LYSMD3: variants seen among roughly 807,000 people sequenced by gnomAD.
The protein encoded by LYSMD3 is lysM and putative peptidoglycan-binding domain-containing protein 3.
LYSMD3 carries 13 observed loss-of-function variants against 26.1 expected under a neutral mutation model. That is an observed-to-expected ratio of 0.50 (90% CI 0.32 to 0.79). The LOEUF is 0.79. Among genes scored for constraint, LYSMD3 ranks in the 30% least tolerant of loss-of-function variants. LYSMD3 has a pLI of 0.03. For missense variants in LYSMD3, 331 were observed against 362.5 expected (o/e 0.91, Z 0.71); for synonymous variants, 109 against 119.4 (o/e 0.91, Z 0.57).
intron 1 of LYSMD3, among the ~76,000 whole-genome samples, chr5:90,527,169 C>G (rs1180833358): frequency 6.6e-6 from 1 of 152,068 alleles, no homozygotes; most frequent in African/African-American, 2.4e-5. Flanking sequence ...AAGACCAACT[C>G]CAAAACTCTG....
At chr5:90,526,387 G>T (rs1221582114) in intron 1 of LYSMD3, among the ~76,000 whole-genome samples, 2 of 152,154 alleles carry the variant, frequency 1.3e-5, no homozygotes, top group Non-Finnish European at 2.9e-5. Flanking sequence ...ACTGGGAGCT[G>T]ACCTAAGTTA....
At position 90,517,178 on chromosome 5, in the gene LYSMD3, T is replaced by C. The variant is rs1168500748; in HGVS notation, c.*1641A>G. The C allele has an allele frequency of 2.0e-5, 3 of 152,472 alleles. No individual in the cohort carries two copies. Among genetic ancestry groups the C allele is most frequent in the Non-Finnish European group, 2.9e-5 (2 of 67,902 alleles). The allele number at this position is 152,472 out of a possible 1,614,324, so 9.4% of individuals were successfully genotyped here. A position where few individuals can be genotyped will look rare whatever the true frequency, so the allele number is the denominator to read the frequency against. ...TTCCCTATTAAACACTTTTTGGTAA[T>C]TGTCTAAGGTCCTCTAATATTTGCA... On this transcript the variant is annotated 3_prime_UTR_variant, in exon 3 of 3. Transcript: ENST00000315948.
At chr5:90,529,217 G>A (rs1753299526) in intron 1 of LYSMD3, 4 of 354,796 alleles carry the variant, frequency 1.1e-5, no homozygotes, top group Non-Finnish European at 2.2e-5. Flanking sequence ...CCAGCAGGTA[G>A]GCGTCCTTCC....
chr5:90,518,989 G>T lies in LYSMD3; in HGVS notation c.751C>A (p.His251Asn), dbSNP rs1196692072. The part of the protein sequence containing the change: ...EILAKVDVSH[H>N]STVDSSHLHS... ...AAATGTGAAGAGTCCACTGTTGAATGATGACTAACATCCACCTTAGCTAAA... is the reference window on the plus strand; with the variant it reads ...AAATGTGAAGAGTCCACTGTTGAATTATGACTAACATCCACCTTAGCTAAA... Residue 251 changes from histidine (H) to asparagine (N), a missense_variant, in exon 3 of 3, where the codon CAT becomes AAT. Transcript: ENST00000315948. 6 of 1,614,028 alleles carry T rather than the reference G, an allele frequency of 3.7e-6. No individual in the cohort carries two copies. Among genetic ancestry groups the T allele is most frequent in the Non-Finnish European group, 5.1e-6 (6 of 1,179,954 alleles).
At position 90,525,281 on chromosome 5, in the gene LYSMD3, C is replaced by T. The variant is rs1580234281; in HGVS notation, c.9G>A (p.Gly3=). 6.3e-7 allele frequency: 1 copy of T among 1,598,288 alleles called. No homozygotes were observed. The highest frequency in any genetic ancestry group is 8.5e-7 in the Non-Finnish European group (1 of 1,174,426). MA[G]RHQNRSFPLP... Reference sequence around the variant, plus strand: ...GAGGAAAACTACGATTCTGATGCCTCCCTGCCATAATGTTAAAATCTGGAG... The same window carrying T: ...GAGGAAAACTACGATTCTGATGCCTTCCTGCCATAATGTTAAAATCTGGAG... The change falls in exon 2 of 3, where the codon GGG becomes GGA. Residue 3 remains glycine, a synonymous_variant. Transcript: ENST00000315948.
At chr5:90,527,712 C>G (rs1753258384) in intron 1 of LYSMD3, among the ~76,000 whole-genome samples, 1 of 152,192 alleles carries the variant, frequency 6.6e-6, no homozygotes, top group Non-Finnish European at 1.5e-5. Context: ...TATATGCAAA[C>G]ATTCCAAAAT....
chr5:90,523,963 T>A (rs557244644), intron 2 of LYSMD3, among the ~76,000 whole-genome samples: 5 of 152,108 alleles, frequency 3.3e-5, no homozygotes, highest in African/African-American at 4.8e-5. Flanking sequence ...TGGGTCCAAA[T>A]AGAGTATAGT....
intron 2 of LYSMD3, among the ~76,000 whole-genome samples, chr5:90,519,755 C>A (rs955175892): frequency 6.6e-6 from 1 of 151,944 alleles, no homozygotes; most frequent in African/African-American, 2.4e-5. Context: ...TTCTAGAATC[C>A]TTTGCTGCTT....
At chr5:90,529,022 C>T (rs922838940) in intron 1 of LYSMD3, among the ~76,000 whole-genome samples, 2 of 152,070 alleles carry the variant, frequency 1.3e-5, no homozygotes, top group Non-Finnish European at 2.9e-5. Flanking sequence ...TACCTCCTCC[C>T]TCTGTATTCC....
intron 2 of LYSMD3, among the ~76,000 whole-genome samples, chr5:90,524,385 C>T (rs1753165379): frequency 1.3e-5 from 2 of 152,058 alleles, no homozygotes. Context: ...TCCTACATGC[C>T]AAAGTGTTAA....
At chr5:90,525,822 A>G (rs559631010) in intron 1 of LYSMD3, among the ~76,000 whole-genome samples, 3 of 152,238 alleles carry the variant, frequency 2.0e-5, no homozygotes, top group Non-Finnish European at 4.4e-5. Flanking sequence ...AGGGAAGAAG[A>G]GGTAATCTCC....
chr5:90,527,411 A>ATTT (rs71614754), intron 1 of LYSMD3, among the ~76,000 whole-genome samples: 54,660 of 140,488 alleles, frequency 0.39, 10,844 homozygotes, highest in Non-Finnish European at 0.43. Flanking sequence ...TATTAATGGT[A>ATTT]TTTTTTTTTT....
At chr5:90,526,656 T>C (rs1753230789) in intron 1 of LYSMD3, among the ~76,000 whole-genome samples, 1 of 152,132 alleles carries the variant, frequency 6.6e-6, no homozygotes, top group Non-Finnish European at 1.5e-5. Context: ...GGTTCAGACA[T>C]GAAGAGAGGG....
At chr5:90,520,425 A>G (rs1281499538) in intron 2 of LYSMD3, 2 of 456,296 alleles carry the variant, frequency 4.4e-6, no homozygotes, top group Non-Finnish European at 8.8e-6. Context: ...GGTTTGGTCA[A>G]CTTGATGGAC....
chr5:90,529,376 G>A (rs1216644065), intron 1 of LYSMD3, 72 bp downstream of exon 1: 4 of 456,146 alleles, frequency 8.8e-6, no homozygotes, highest in African/African-American at 2.0e-5. Flanking sequence ...AGCGCCTCCC[G>A]TGAGGACGCA....
chr5:90,523,121 C>G (rs746071640), intron 2 of LYSMD3, among the ~76,000 whole-genome samples: 4 of 149,458 alleles, frequency 2.7e-5, no homozygotes, highest in Non-Finnish European at 4.4e-5. Context: ...GGTCTTATTT[C>G]TCTACAAAAC....
Position 90,529,483 on chromosome 5 carries a change from T to C in LYSMD3, c.-47A>G, listed in dbSNP as rs1753309623. On this transcript the variant is annotated 5_prime_UTR_variant, in exon 1 of 3. Coordinates refer to ENST00000315948, the MANE Select transcript of LYSMD3 (RefSeq NM_198273.2). ...TAGCAGGGAGCACTCTGCGAGAAGA[T>C]GGCCAAAAGGTCCGCCGCCGCCGCT... is the stretch of plus-strand genomic sequence containing the variant. The C allele has an allele frequency of 2.2e-6, 1 of 456,520 alleles. No homozygotes were observed. The highest frequency in any genetic ancestry group is 2.0e-5 in the African/African-American group (1 of 50,028). 28.3% of individuals were successfully genotyped at this position (456,520 alleles called of 1,614,324 possible). A position where few individuals can be genotyped will look rare whatever the true frequency, so the allele number is the denominator to read the frequency against.
intron 2 of LYSMD3, among the ~76,000 whole-genome samples, chr5:90,521,860 A>G (rs572476162): frequency 1.5e-4 from 23 of 152,210 alleles, no homozygotes; most frequent in African/African-American, 5.5e-4. Flanking sequence ...AATAATTCTT[A>G]AGATTATTTC....
Position 90,515,819 on chromosome 5 carries a change from T to C in LYSMD3, c.*3000A>G, listed in dbSNP as rs1301786967. The stretch of plus-strand genomic sequence containing the variant: ...ACATAAAAATTAAAGCATTCAGATA[T>C]TTCTATGATCTAACAGTGCAATATG... On this transcript the variant is annotated 3_prime_UTR_variant, in exon 3 of 3. Coordinates refer to ENST00000315948, the MANE Select transcript of LYSMD3 (RefSeq NM_198273.2). The C allele has an allele frequency of 6.6e-6, 1 of 152,206 alleles. No individual in the cohort carries two copies. The highest frequency in any genetic ancestry group is 1.5e-5 in the Non-Finnish European group (1 of 68,012). 9.4% of individuals were successfully genotyped at this position (152,206 alleles called of 1,614,324 possible).
Sources: gnomAD v4.1 joint callset for allele counts (sites outside exome capture counted in the v4.1 genomes callset) on GRCh38, gnomAD v4.1.1 for gene constraint, MANE v1.5 for transcripts, NCBI Gene and HGNC (gene_info 2026-07-23, HGNC 2026-07-21) for gene names.